TMEM14B: variants seen among roughly 807,000 people sequenced by gnomAD.
The protein encoded by TMEM14B is transmembrane protein 14B.
TMEM14B carries 9 observed loss-of-function variants against 14.8 expected under a neutral mutation model. That is an observed-to-expected ratio of 0.61 (90% confidence interval 0.37 to 1.06). The LOEUF (loss-of-function observed/expected upper bound fraction) is 1.06. Among genes scored for constraint, TMEM14B ranks in the 50% least tolerant of loss-of-function variants. The probability of loss-of-function intolerance (pLI) is 0.01; values close to 1 mark genes in which losing one functional copy is unlikely to be tolerated. For missense variants in TMEM14B, 128 were observed against 143.6 expected (o/e 0.89, Z 0.56); for synonymous variants, 40 against 51.3 (o/e 0.78, Z 0.94).
chr6:10,751,040 G>A, intron 3 of TMEM14B, 93 bp from the exon 4 acceptor site: 1 of 1,481,372 alleles, frequency 6.8e-7, no homozygotes, highest in Non-Finnish European at 9.3e-7. Flanking sequence ...AGAGTTCTTT[G>A]TGCTGTCCTT....
chr6:10,757,124 G>A (rs1771834714), downstream of TMEM14B: 1 of 510,346 alleles, frequency 2.0e-6, no homozygotes, highest in African/African-American at 2.1e-5. Context: ...TTATTTGATT[G>A]TACATTGCAT....
chr6:10,756,599 A>C lies in TMEM14B; in HGVS notation c.*81A>C. ...TATTTTCAATGTATTAAGAGAAATA[A>C]GTGCAGCATTTTTGCATCTGACATT... is the stretch of plus-strand genomic sequence containing the variant. On this transcript the variant is annotated 3_prime_UTR_variant, in exon 6 of 6. Coordinates refer to ENST00000379542, the MANE Select transcript of TMEM14B (RefSeq NM_030969.5). 6.5e-7 allele frequency: 1 copy of C among 1,536,244 alleles called. No individual in the cohort carries two copies. Among genetic ancestry groups the C allele is most frequent in the Non-Finnish European group, 8.7e-7 (1 of 1,144,822 alleles).
chr6:10,752,272 C>T (rs757806187), intron 4 of TMEM14B, among the ~76,000 whole-genome samples: 14 of 151,966 alleles, frequency 9.2e-5, no homozygotes, highest in Admixed American at 2.6e-4. Flanking sequence ...AGCCTCCCCT[C>T]GTCCTGTTTC....
intron 4 of TMEM14B, among the ~76,000 whole-genome samples, chr6:10,753,485 C>G (rs536824295): frequency 1.3e-5 from 2 of 151,948 alleles, no homozygotes; most frequent in African/African-American, 2.4e-5. Context: ...TTTTGGCAAC[C>G]TATTTTCCTT....
At chr6:10,757,199 T>C (rs1771837024), downstream of TMEM14B, among the ~76,000 whole-genome samples, 1 of 152,170 alleles carries the variant, frequency 6.6e-6, no homozygotes, top group South Asian at 2.1e-4. Context: ...ACAGGGTCTT[T>C]CTCTGTCACC....
intron 5 of TMEM14B, chr6:10,755,610 C>T (rs1465400682): frequency 8.1e-7 from 1 of 1,237,600 alleles, no homozygotes; most frequent in African/African-American, 1.5e-5. Flanking sequence ...TGATTGAATC[C>T]TGTTTTCTAA....
downstream of TMEM14B, among the ~76,000 whole-genome samples, chr6:10,757,726 C>T (rs1771856146): frequency 6.6e-6 from 1 of 152,174 alleles, no homozygotes; most frequent in Non-Finnish European, 1.5e-5. Flanking sequence ...CGCGGTGGCT[C>T]ACGCCTGTAG....
chr6:10,759,306 A>G (rs1771906064), downstream of TMEM14B: 1 of 152,174 alleles, frequency 6.6e-6, no homozygotes, highest in Non-Finnish European at 1.5e-5. Flanking sequence ...TGTCTTGTTT[A>G]ATGCCTTTGA....
chr6:10,757,154 G>A (rs1771835616), downstream of TMEM14B, among the ~76,000 whole-genome samples: 1 of 151,906 alleles, frequency 6.6e-6, no homozygotes, highest in East Asian at 1.9e-4. Context: ...TTTCAAAAAT[G>A]ATCTCTGAGG....
At position 10,756,590 on chromosome 6, in the gene TMEM14B, A is replaced by G. The variant is rs1771811529; in HGVS notation, c.*72A>G. ...ATCTTCCACTATTTTCAATGTATTA[A>G]GAGAAATAAGTGCAGCATTTTTGCA... On this transcript the variant is annotated 3_prime_UTR_variant, in exon 6 of 6. Transcript: ENST00000379542. The G allele has an allele frequency of 1.3e-6, 2 of 1,558,120 alleles. No homozygotes were observed. The highest frequency in any genetic ancestry group is 2.1e-5 in the Admixed American group (1 of 47,402).
At position 10,751,237 on chromosome 6, in the gene TMEM14B, A is replaced by G. The variant is rs769604871; in HGVS notation, c.202+3A>G. On this transcript the variant is annotated splice_donor_region_variant and intron_variant, in intron 4 of 5. Transcript: ENST00000379542. ...AAGGAACGTTTGGGGTTTCCTAGGTATGTCTGCTTCAGCGTCTCCTTAGGG... is the reference window on the plus strand; with the variant it reads ...AAGGAACGTTTGGGGTTTCCTAGGTGTGTCTGCTTCAGCGTCTCCTTAGGG... 78 of 1,613,438 alleles carry G rather than the reference A, an allele frequency of 4.8e-5. No individual in the cohort carries two copies. Among genetic ancestry groups the G allele is most frequent in the South Asian group, 1.1e-5 (1 of 91,080 alleles).
Position 10,755,225 on chromosome 6 carries a change from G to C in TMEM14B, c.286G>C (p.Gly96Arg). The C allele has an allele frequency of 6.2e-7, 1 of 1,614,188 alleles. No individual in the cohort carries two copies. Among genetic ancestry groups the C allele is most frequent in the Non-Finnish European group, 8.5e-7 (1 of 1,180,032 alleles). The change falls in exon 5 of 6, where the codon GGT (glycine) becomes CGT (arginine). Residue 96 changes from glycine (G) to arginine (R), a missense_variant. Transcript: ENST00000379542. ...ATTCATGCCTGTAGGTTTAATTGCA[G>C]GTGCCAGGTACTTTCATTCTATTAC... ...GKFMPVGLIAGASLLMAAKVG... is the reference protein window; with the variant it reads ...GKFMPVGLIARASLLMAAKVG...
chr6:10,755,935 C>G (rs997213534), intron 5 of TMEM14B: 2 of 146,550 alleles, frequency 1.4e-5, no homozygotes, highest in Admixed American at 6.8e-5. Flanking sequence ...GCCTGGGCAA[C>G]AATGAGTGAG....
intron 4 of TMEM14B, among the ~76,000 whole-genome samples, chr6:10,753,953 A>G (rs1163155200): frequency 1.3e-5 from 2 of 152,174 alleles, no homozygotes; most frequent in South Asian, 2.1e-4. Flanking sequence ...TTTGTTCTCT[A>G]TAGTATAGCT....
At position 10,751,825 on chromosome 6, in the gene TMEM14B, A is replaced by G. The variant is rs181984942; in HGVS notation, c.202+591A>G. Reference sequence around the variant, plus strand: ...CATGAGCATAGAAGCAGGACTGGAAAGGTACCCTGTGAGCAGCACGGACAG... The same window carrying G: ...CATGAGCATAGAAGCAGGACTGGAAGGGTACCCTGTGAGCAGCACGGACAG... On this transcript the variant is annotated intron_variant, in intron 4 of 5. Transcript: ENST00000379542. 3.5e-4 allele frequency among the ~76,000 whole-genome samples: 53 copies of G among 152,246 alleles called. No individual in the cohort carries two copies. In the East Asian group the frequency reaches 0.01, roughly 29 times the overall value.
At chr6:10,754,832 G>C (rs1370770490) in intron 4 of TMEM14B, among the ~76,000 whole-genome samples, 2 of 152,236 alleles carry the variant, frequency 1.3e-5, no homozygotes, top group East Asian at 1.9e-4. Flanking sequence ...CATCTGCAGG[G>C]CATGAGAAAC....
chr6:10,751,068 G>C (rs1771534852), intron 3 of TMEM14B, 65 bp from the exon 4 acceptor site: 1 of 1,596,320 alleles, frequency 6.3e-7, no homozygotes, highest in South Asian at 1.1e-5. Flanking sequence ...CAGGAGGTCT[G>C]GTGGATTCCG....
chr6:10,758,370 A>C (rs1490400347), downstream of TMEM14B, among the ~76,000 whole-genome samples: 1 of 152,226 alleles, frequency 6.6e-6, no homozygotes, highest in African/African-American at 2.4e-5. Context: ...TTTAGGTGCC[A>C]AGTAGATCCC....
At chr6:10,752,717 C>G (rs966439109) in intron 4 of TMEM14B, 4 of 152,076 alleles carry the variant, frequency 2.6e-5, no homozygotes, top group Admixed American at 6.6e-5. Flanking sequence ...CTTGGACTCC[C>G]GAAGTGCTGG....
Sources: gnomAD v4.1 joint callset for allele counts (sites outside exome capture counted in the v4.1 genomes callset) on GRCh38, gnomAD v4.1.1 for gene constraint, MANE v1.5 for transcripts, NCBI Gene and HGNC (gene_info 2026-07-23, HGNC 2026-07-21) for gene names.